PEBP4: variants seen among roughly 807,000 people sequenced by gnomAD.
PEBP4 encodes phosphatidylethanolamine-binding protein 4.
Under a neutral mutation model 23.9 loss-of-function variants are expected in PEBP4, and 22 were observed. That is an observed-to-expected ratio of 0.92 (90% CI 0.66 to 1.31). The LOEUF is 1.31. Ranked by LOEUF, PEBP4 falls within the 40% of genes most tolerant of loss-of-function variation. PEBP4 has a pLI of 0.00. For synonymous variants in PEBP4, 112 were observed against 99.3 expected (o/e 1.13, Z -0.76); for missense variants, 324 against 281.7 (o/e 1.15, Z -1.07).
In PEBP4 at chr8:22,713,515, A is replaced by G. The variant is rs1585231616; in HGVS notation, c.539T>C (p.Phe180Ser). 1 of 1,614,190 alleles carries G rather than the reference A, an allele frequency of 6.2e-7. No homozygotes were observed. Among genetic ancestry groups the G allele is most frequent in the Non-Finnish European group, 8.5e-7 (1 of 1,180,016 alleles). ...TTCGCCCAGGTGGAAACGGTTCAGA[A>G]ATCTGTCCATTTTCCAAGAGCCTGG... ...KTRGSWKMDR[F>S]LNRFHLGEPE... Residue 180 changes from phenylalanine to serine, a missense_variant, in exon 7 of 7, where the codon TTT (phenylalanine) becomes TCT (serine). Transcript: ENST00000256404.
At chr8:22,741,555 G>A (rs1030391756) in intron 4 of PEBP4, among the ~76,000 whole-genome samples, 3 of 152,312 alleles carry the variant, frequency 2.0e-5, no homozygotes, top group Middle Eastern at 3.4e-3. Flanking sequence ...AATGCTTTGG[G>A]TACTGACAGA....
chr8:22,925,325 G>A, intron 2 of PEBP4: 3 of 985,412 alleles, frequency 3.0e-6, no homozygotes, highest in Non-Finnish European at 3.6e-6. Flanking sequence ...TCGAGTCTGG[G>A]AGCCCTGAAC....
chr8:22,890,688 G>T (rs764125099), intron 3 of PEBP4, among the ~76,000 whole-genome samples: 1 of 152,304 alleles, frequency 6.6e-6, no homozygotes, highest in Admixed American at 6.5e-5. Flanking sequence ...GCAGTGTGGC[G>T]CACAGAGTTT....
chr8:22,925,286 T>C (rs1439897223), intron 2 of PEBP4: 3 of 985,280 alleles, frequency 3.0e-6, no homozygotes, highest in Non-Finnish European at 3.6e-6. Context: ...TGGTGTATTC[T>C]GGGAGTCCTG....
intron 3 of PEBP4, among the ~76,000 whole-genome samples, chr8:22,857,277 C>T (rs1807674160): frequency 1.3e-5 from 2 of 151,824 alleles, no homozygotes; most frequent in Non-Finnish European, 2.9e-5. Context: ...CACACTTACT[C>T]ACTCACACAT....
rs540433017 is a variant in PEBP4 at position 22,734,364 on chromosome 8, G to A, written c.358-7144C>T. Among the ~76,000 whole-genome samples, 36 of 152,326 alleles carry A rather than the reference G, an allele frequency of 2.4e-4. 1 individual carries two copies. The South Asian group carries it at 6.2e-3, about 26-fold the overall frequency. Reference sequence around the variant, plus strand: ...CACTGAGGTGGGTGGAATGAAGCCCGTGGGAAGTGGAAGAAGGAGGCGCAG... The same window carrying A: ...CACTGAGGTGGGTGGAATGAAGCCCATGGGAAGTGGAAGAAGGAGGCGCAG... On this transcript the variant is annotated intron_variant, in intron 4 of 6. Coordinates refer to ENST00000256404, the MANE Select transcript of PEBP4 (RefSeq NM_144962.3).
intron 4 of PEBP4, among the ~76,000 whole-genome samples, chr8:22,768,687 G>T (rs985773787): frequency 6.6e-6 from 1 of 152,146 alleles, no homozygotes; most frequent in Non-Finnish European, 1.5e-5. Flanking sequence ...CTGGGTGCTG[G>T]GGAGGGTGGC....
chr8:22,764,856 A>ACC (rs1019100118), intron 4 of PEBP4, among the ~76,000 whole-genome samples: 10 of 150,438 alleles, frequency 6.6e-5, no homozygotes, highest in Non-Finnish European at 1.5e-4. Context: ...CCTCTCACCC[A>ACC]CCCCCAATCC....
At chr8:22,730,306 G>A (rs1479682398) in intron 4 of PEBP4, among the ~76,000 whole-genome samples, 1 of 152,214 alleles carries the variant, frequency 6.6e-6, no homozygotes, top group African/African-American at 2.4e-5. Context: ...GGAGGCTGAG[G>A]CGGGTGGATT....
intron 3 of PEBP4, among the ~76,000 whole-genome samples, chr8:22,840,786 G>A (rs916721373): frequency 2.6e-5 from 4 of 152,154 alleles, no homozygotes; most frequent in Admixed American, 6.5e-5. Context: ...CCAGGGACTG[G>A]TGGCTGGCTC....
upstream of PEBP4, among the ~76,000 whole-genome samples, chr8:22,929,738 C>T (rs1809425639): frequency 6.6e-6 from 1 of 152,170 alleles, no homozygotes; most frequent in African/African-American, 2.4e-5. Flanking sequence ...GACAGGGTCT[C>T]ACTCTCATCG....
intron 3 of PEBP4, among the ~76,000 whole-genome samples, chr8:22,908,393 CA>C (rs11356446): frequency 0.058 from 8,255 of 141,750 alleles, 318 homozygotes; most frequent in African/African-American, 0.11. Context: ...AACAAACAAA[CA>C]AAAAAAAAAA....
At chr8:22,754,183 G>C (rs1805327632) in intron 4 of PEBP4, among the ~76,000 whole-genome samples, 1 of 152,204 alleles carries the variant, frequency 6.6e-6, no homozygotes, top group South Asian at 2.1e-4. Context: ...CCTCTGGGAA[G>C]CTGCCCTAGA....
chr8:22,790,137 A>C lies in PEBP4; in HGVS notation c.357+27500T>G, dbSNP rs151099694. On this transcript the variant is annotated intron_variant, in intron 4 of 6. Transcript: ENST00000256404. ...GCACCAGAGCTGTGGTCTTTATTTC[A>C]TATGCCTGTTAACTTCCTTTTGTCA... 9.0e-4 allele frequency among the ~76,000 whole-genome samples: 137 copies of C among 152,282 alleles called. 1 individual carries two copies. The highest frequency in any genetic ancestry group is 3.2e-3 in the African/African-American group (135 of 41,550).
chr8:22,742,584 G>T (rs553112683), intron 4 of PEBP4, among the ~76,000 whole-genome samples: 3 of 152,324 alleles, frequency 2.0e-5, no homozygotes, highest in African/African-American at 7.2e-5. Context: ...GTGCTGTCTA[G>T]CTGCTCAGTG....
intron 4 of PEBP4, among the ~76,000 whole-genome samples, chr8:22,816,595 G>A (rs1280292827): frequency 6.6e-6 from 1 of 152,268 alleles, no homozygotes; most frequent in African/African-American, 2.4e-5. Context: ...ATCACAGCAA[G>A]TCAGCAGCAC....
In PEBP4 at chr8:22,830,113, T is replaced by TTGTGTGTGTG. The variant is rs3060706; in HGVS notation, c.259-12388_259-12379dup. 7.0e-3 allele frequency among the ~76,000 whole-genome samples: 1,007 copies of TTGTGTGTGTG among 144,236 alleles called. 17 individuals are homozygous for TTGTGTGTGTG. The highest frequency in any genetic ancestry group is 0.058 in the East Asian group (282 of 4,854). 94.6% of individuals were successfully genotyped at this position (144,236 alleles called of 152,430 possible). ...CACTGCTGGGTCCTAGGCTGTGGTTTTGTGTGTGTGTGTGTGTGTGTGTGT... is the reference window on the plus strand; with the variant it reads ...CACTGCTGGGTCCTAGGCTGTGGTTTTGTGTGTGTGTGTGTGTGTGTGTGTGTGTGTGTGT... On this transcript the variant is annotated intron_variant, in intron 3 of 6. Transcript: ENST00000256404.
At chr8:22,882,294 T>C (rs1269484637) in intron 3 of PEBP4, among the ~76,000 whole-genome samples, 1 of 152,188 alleles carries the variant, frequency 6.6e-6, no homozygotes, top group African/African-American at 2.4e-5. Context: ...AGTCCAACTC[T>C]AGGAAAGTGT....
At chr8:22,870,127 C>T (rs1264885047) in intron 3 of PEBP4, among the ~76,000 whole-genome samples, 2 of 152,220 alleles carry the variant, frequency 1.3e-5, no homozygotes, top group African/African-American at 4.8e-5. Flanking sequence ...GGAACAAATC[C>T]AGGCTTCACA....
Sources: gnomAD v4.1 joint callset for allele counts (sites outside exome capture counted in the v4.1 genomes callset) on GRCh38, gnomAD v4.1.1 for gene constraint, MANE v1.5 for transcripts, NCBI Gene and HGNC (gene_info 2026-07-23, HGNC 2026-07-21) for gene names.